ULK4: variants seen among roughly 807,000 people sequenced by gnomAD.
ULK4 encodes unc-51 like kinase 4.
ULK4 carries 133 observed loss-of-function variants against 160.6 expected under a neutral mutation model. The ratio of observed to expected loss-of-function variants is 0.83; its 90% CI spans 0.72 to 0.96. ULK4 has a LOEUF of 0.96. Ranked by LOEUF, ULK4 falls within the 40% of genes least tolerant of loss-of-function variation. The pLI is 0.00. For missense variants in ULK4, 1,580 were observed against 1,499.5 expected, an observed-to-expected ratio of 1.05 and a Z score of -0.89; for synonymous variants, 534 against 539.8, an observed-to-expected ratio of 0.99 and a Z score of 0.15.
chr3:41,575,006 C>G (rs1411501000), intron 31 of ULK4, among the ~76,000 whole-genome samples: 2 of 152,118 alleles, frequency 1.3e-5, no homozygotes, highest in African/African-American at 4.8e-5. Context: ...ATTTAAACCC[C>G]TGAAAGGAGG....
chr3:41,423,254 C>T (rs1428650351), intron 34 of ULK4, among the ~76,000 whole-genome samples: 1 of 151,948 alleles, frequency 6.6e-6, no homozygotes, highest in South Asian at 2.1e-4. Context: ...GGAAGACTTC[C>T]GTTTTACTTT....
chr3:41,830,635 AAAG>A lies in ULK4; in HGVS notation c.1764+5226_1764+5228del, dbSNP rs562423012. 5.5e-4 allele frequency among the ~76,000 whole-genome samples: 84 copies of A among 152,238 alleles called. No individual in the cohort carries two copies. In the East Asian group the frequency reaches 0.01, roughly 19 times the overall value. ...GGGATGAAAAACTATAGGACCAAAA[AAAG>A]AAGAATTAGACTAGACTGTCATTAT... On this transcript the variant is annotated intron_variant, in intron 18 of 36. Coordinates refer to ENST00000301831, the MANE Select transcript of ULK4 (RefSeq NM_017886.4).
intron 35 of ULK4, among the ~76,000 whole-genome samples, chr3:41,331,065 G>T (rs1326159389): frequency 1.3e-5 from 2 of 152,208 alleles, no homozygotes; most frequent in African/African-American, 4.8e-5. Flanking sequence ...ACTCCCTAGT[G>T]AACTCTTTTA....
At chr3:41,317,061 C>CTTTTTTTTT (rs1170201981) in intron 35 of ULK4, among the ~76,000 whole-genome samples, 15 of 92,164 alleles carry the variant, frequency 1.6e-4, no homozygotes, top group African/African-American at 3.4e-4. Flanking sequence ...GCAATTACAT[C>CTTTTTTTTT]TATTTTTTTT....
intron 1 of ULK4, among the ~76,000 whole-genome samples, chr3:41,961,263 T>C (rs772547136): frequency 6.6e-6 from 1 of 152,052 alleles, no homozygotes; most frequent in African/African-American, 2.4e-5. Flanking sequence ...CAATCATGAC[T>C]CCCGCACCAG....
intron 17 of ULK4, among the ~76,000 whole-genome samples, chr3:41,881,284 T>TAAAAAA (rs58977381): frequency 1.0e-4 from 13 of 126,256 alleles, no homozygotes; most frequent in African/African-American, 4.3e-4. Context: ...CAGAAACTTC[T>TAAAAAA]AAAAAAAAAA....
intron 35 of ULK4, among the ~76,000 whole-genome samples, chr3:41,340,426 A>C (rs2080657900): frequency 6.6e-6 from 1 of 152,218 alleles, no homozygotes; most frequent in South Asian, 2.1e-4. Context: ...TGCACTGGCT[A>C]TGTGACCTTG....
At chr3:41,754,522 A>C (rs2038733524) in intron 21 of ULK4, 34 bp from the exon 22 acceptor site, 1 of 1,598,536 alleles carries the variant, frequency 6.3e-7, no homozygotes, top group South Asian at 1.1e-5. Flanking sequence ...TTTTGAGAGA[A>C]CATAAAAAAA....
At chr3:41,929,650 C>T (rs1699517182) in intron 5 of ULK4, among the ~76,000 whole-genome samples, 1 of 152,184 alleles carries the variant, frequency 6.6e-6, no homozygotes, top group South Asian at 2.1e-4. Flanking sequence ...TCTCAGGATA[C>T]AACATCAATG....
chr3:41,643,416 C>T (rs1365193049), intron 30 of ULK4, among the ~76,000 whole-genome samples: 1 of 152,166 alleles, frequency 6.6e-6, no homozygotes, highest in African/African-American at 2.4e-5. Flanking sequence ...ATATGGCTAG[C>T]CAGTTTTCCC....
At chr3:41,279,702 C>A (rs1177074739) in intron 35 of ULK4, among the ~76,000 whole-genome samples, 2 of 152,164 alleles carry the variant, frequency 1.3e-5, no homozygotes, top group African/African-American at 4.8e-5. Context: ...TCATATCCAG[C>A]CAAACTAAGC....
intron 30 of ULK4, among the ~76,000 whole-genome samples, chr3:41,633,878 C>A (rs2033846911): frequency 6.6e-6 from 1 of 152,160 alleles, no homozygotes; most frequent in Admixed American, 6.5e-5. Context: ...GCACACCACG[C>A]AATGTCATTT....
intron 31 of ULK4, among the ~76,000 whole-genome samples, chr3:41,615,092 A>G (rs900401469): frequency 3.9e-5 from 6 of 152,208 alleles, no homozygotes; most frequent in Non-Finnish European, 8.8e-5. Context: ...AGAGACAAAG[A>G]AAGTTGACCC....
chr3:41,688,203 CCT>C (rs1360237091), intron 27 of ULK4, among the ~76,000 whole-genome samples: 1 of 152,154 alleles, frequency 6.6e-6, no homozygotes, highest in African/African-American at 2.4e-5. Flanking sequence ...CACCCCCTCC[CCT>C]GACACCACAG....
chr3:41,759,693 G>C (rs1046611097), intron 21 of ULK4, among the ~76,000 whole-genome samples: 18 of 152,228 alleles, frequency 1.2e-4, no homozygotes, highest in Admixed American at 7.8e-4. Context: ...GGGGGGATAT[G>C]CAAGAATTGC....
chr3:41,569,952 C>A lies in ULK4; in HGVS notation c.3121-3822G>T, dbSNP rs558999103. ...AACTTACATGGGCAGAAGCATTAAG[C>A]GCCAGTGACAGCTTCATCATCCTAC... On this transcript the variant is annotated intron_variant, in intron 31 of 36. Coordinates refer to ENST00000301831, the MANE Select transcript of ULK4 (RefSeq NM_017886.4). Among the ~76,000 whole-genome samples, 3 of 152,142 alleles carry A rather than the reference C, an allele frequency of 2.0e-5. No individual in the cohort carries two copies. In the East Asian group the frequency reaches 5.8e-4, roughly 29 times the overall value.
chr3:41,931,978 T>C lies in ULK4; in HGVS notation c.407A>G (p.Lys136Arg), dbSNP rs1159390131. Residue 136 changes from lysine to arginine, a missense_variant, in exon 5 of 37, where the codon AAG (lysine) becomes AGG (arginine). Transcript: ENST00000301831. ...KILLEGPGTL[K>R]FSNFCLAKVE... is the part of the protein sequence containing the mutation. ...TTTTGCCAAGCAAAAGTTGCTAAAC[T>C]TCAGTGTGCCAGGCCCTTCCAAGAG... The C allele has an allele frequency of 4.3e-6, 7 of 1,613,884 alleles. No homozygotes were observed. The Admixed American group carries it at 1.2e-4, about 27-fold the overall frequency.
At chr3:41,705,733 G>C (rs2036854827) in intron 25 of ULK4, among the ~76,000 whole-genome samples, 1 of 151,932 alleles carries the variant, frequency 6.6e-6, no homozygotes, top group Admixed American at 6.6e-5. Context: ...GACCTCAGGT[G>C]GTCCACCTGC....
chr3:41,540,802 T>C (rs1224589219), intron 32 of ULK4, among the ~76,000 whole-genome samples: 1 of 152,260 alleles, frequency 6.6e-6, no homozygotes, highest in Non-Finnish European at 1.5e-5. Flanking sequence ...ATAAGCTTTT[T>C]TCATATGTTT....
Sources: gnomAD v4.1 joint callset for allele counts (sites outside exome capture counted in the v4.1 genomes callset) on GRCh38, gnomAD v4.1.1 for gene constraint, MANE v1.5 for transcripts, NCBI Gene and HGNC (gene_info 2026-07-23, HGNC 2026-07-21) for gene names.